The following SFSWAP variants were observed in gnomAD, a reference collection of about 807,000 sequenced individuals.
The protein encoded by SFSWAP is splicing factor, suppressor of white-apricot homolog.
Under a neutral mutation model 100.7 loss-of-function variants are expected in SFSWAP, and 17 were observed. The observed-to-expected ratio is 0.17, with a 90% CI of 0.12 to 0.25. The LOEUF (loss-of-function observed/expected upper bound fraction) is 0.25, where lower values mean the gene tolerates loss of function less well. Ranked by LOEUF, SFSWAP falls within the 10% of genes least tolerant of loss-of-function variation. SFSWAP has a pLI of 1.00. For synonymous variants in SFSWAP, 504 were observed against 510.1 expected (o/e 0.99, Z 0.16); for missense variants, 1,005 against 1,262.6 (o/e 0.80, Z 3.09).
intron 7 of SFSWAP, among the ~76,000 whole-genome samples, chr12:131,738,043 A>G (rs1445878791): frequency 6.6e-6 from 1 of 152,166 alleles, no homozygotes; most frequent in Non-Finnish European, 1.5e-5. Context: ...GCCCACTGTG[A>G]TAGCCTGTGG....
chr12:131,771,396 C>T (rs1883586779), intron 13 of SFSWAP, among the ~76,000 whole-genome samples: 1 of 152,192 alleles, frequency 6.6e-6, no homozygotes, highest in Non-Finnish European at 1.5e-5. Flanking sequence ...AATCTGTGTC[C>T]TGTGTCTTGT....
chr12:131,759,379 A>G (rs1413597029), intron 11 of SFSWAP, among the ~76,000 whole-genome samples: 1 of 152,218 alleles, frequency 6.6e-6, no homozygotes, highest in Admixed American at 6.5e-5. Flanking sequence ...GAATGCCTAC[A>G]TCATTAAAGC....
At chr12:131,788,148 T>G (rs1404673754) in intron 15 of SFSWAP, among the ~76,000 whole-genome samples, 1 of 152,226 alleles carries the variant, frequency 6.6e-6, no homozygotes, top group Non-Finnish European at 1.5e-5. Context: ...TGCTTTGCCT[T>G]CACATTAACC....
intron 7 of SFSWAP, among the ~76,000 whole-genome samples, chr12:131,748,657 A>T (rs1052954269): frequency 6.6e-6 from 1 of 152,218 alleles, no homozygotes; most frequent in Admixed American, 6.5e-5. Context: ...AGTTGAATAG[A>T]GGGCCTTGGG....
In SFSWAP at chr12:131,714,110, C is replaced by T. The variant is rs763805807; in HGVS notation, c.258C>T (p.Tyr86=). ...GRGHLHDLSE[Y]DAEYSTWNRD... The stretch of plus-strand genomic sequence containing the variant: ...GTCACCTGCATGACCTTTCTGAGTA[C>T]GATGCTGAGTATTCCACGTGGAACA... Residue 86 remains tyrosine (Y), a synonymous_variant, in exon 2 of 18, where the codon TAC becomes TAT. Transcript: ENST00000261674. The surrounding 1 kb of genome is among the most constrained non-coding windows in gnomAD (Gnocchi z 6.0). 1.1e-5 allele frequency: 17 copies of T among 1,613,618 alleles called. No homozygotes were observed. The highest frequency in any genetic ancestry group is 2.7e-5 in the African/African-American group (2 of 74,834).
chr12:131,762,099 G>C (rs568320035), intron 11 of SFSWAP, among the ~76,000 whole-genome samples: 3 of 152,304 alleles, frequency 2.0e-5, no homozygotes, highest in African/African-American at 7.2e-5. Flanking sequence ...TGGGCATGGT[G>C]GCGAGCACCT....
At chr12:131,751,352 T>A (rs1430522406) in intron 7 of SFSWAP, among the ~76,000 whole-genome samples, 1 of 152,236 alleles carries the variant, frequency 6.6e-6, no homozygotes, top group Non-Finnish European at 1.5e-5. Flanking sequence ...GTTTGGACAC[T>A]TTTTAGGGGT....
chr12:131,714,496 T>C lies in SFSWAP; in HGVS notation c.388+256T>C. 1 of 493,138 alleles carries C rather than the reference T, an allele frequency of 2.0e-6. No homozygotes were observed. Among genetic ancestry groups the C allele is most frequent in the Non-Finnish European group, 3.6e-6 (1 of 278,394 alleles). The allele number at this position is 493,138 out of a possible 1,614,324, so 30.5% of individuals were successfully genotyped here. A position where few individuals can be genotyped will look rare whatever the true frequency, so the allele number is the denominator to read the frequency against. ...AAACAAAAACCAAACTCTTTAACTG[T>C]TCTTCTTTAACAGTATCGTATAAAT... is the stretch of plus-strand genomic sequence containing the variant. On this transcript the variant is annotated intron_variant, in intron 2 of 17. Transcript: ENST00000261674. The surrounding 1 kb of genome is among the most constrained non-coding windows in gnomAD (Gnocchi z 6.0).
chr12:131,718,745 G>A (rs1046037448), intron 3 of SFSWAP, among the ~76,000 whole-genome samples: 8 of 152,150 alleles, frequency 5.3e-5, no homozygotes, highest in Non-Finnish European at 1.0e-4. Flanking sequence ...AAATCTTAGC[G>A]ATACCAATTA....
chr12:131,789,757 G>A (rs1430191044), intron 15 of SFSWAP, among the ~76,000 whole-genome samples: 5 of 151,988 alleles, frequency 3.3e-5, no homozygotes, highest in Admixed American at 2.0e-4. Flanking sequence ...GTTGGGCTTC[G>A]TCTTGCTGTG....
At chr12:131,765,554 A>G (rs1883042700) in intron 12 of SFSWAP, among the ~76,000 whole-genome samples, 1 of 152,154 alleles carries the variant, frequency 6.6e-6, no homozygotes, top group Non-Finnish European at 1.5e-5. Flanking sequence ...AGGCTGAGGC[A>G]GGAGAATCGC....
At chr12:131,717,944 T>G (rs1878083217) in intron 3 of SFSWAP, among the ~76,000 whole-genome samples, 1 of 152,156 alleles carries the variant, frequency 6.6e-6, no homozygotes. Context: ...TTGGCCAGAC[T>G]GGTCTCAAAC....
chr12:131,782,518 T>G (rs551173244), intron 14 of SFSWAP, among the ~76,000 whole-genome samples: 39 of 152,374 alleles, frequency 2.6e-4, no homozygotes, highest in African/African-American at 9.1e-4. Flanking sequence ...CACTTGGGCC[T>G]GAACAGACCT....
intron 14 of SFSWAP, among the ~76,000 whole-genome samples, chr12:131,781,230 T>TATC (rs1884472233): frequency 1.4e-4 from 9 of 66,330 alleles, no homozygotes; most frequent in Non-Finnish European, 4.0e-4. Flanking sequence ...AAATATATCT[T>TATC]ATTATTTTTT....
intron 7 of SFSWAP, among the ~76,000 whole-genome samples, chr12:131,731,978 C>T (rs1357610324): frequency 1.5e-5 from 2 of 130,826 alleles, no homozygotes; most frequent in Non-Finnish European, 3.1e-5. Flanking sequence ...GGTGCAATCT[C>T]GGCTCACTGC....
chr12:131,740,607 G>A (rs933996206), intron 7 of SFSWAP, among the ~76,000 whole-genome samples: 19 of 152,072 alleles, frequency 1.2e-4, no homozygotes, highest in Admixed American at 7.9e-4. Flanking sequence ...ACCTTTCTTC[G>A]AGCCTGTGCT....
chr12:131,755,035 T>C (rs1431886879), intron 9 of SFSWAP, among the ~76,000 whole-genome samples: 1 of 152,208 alleles, frequency 6.6e-6, no homozygotes, highest in Non-Finnish European at 1.5e-5. Flanking sequence ...ATTTTTTAAG[T>C]AGGAATTTTG....
chr12:131,776,863 G>T (rs555164624), intron 13 of SFSWAP, among the ~76,000 whole-genome samples: 1 of 152,324 alleles, frequency 6.6e-6, no homozygotes, highest in Admixed American at 6.5e-5. Context: ...GGGTAAAGAG[G>T]GGCAGGCTGC....
In SFSWAP at chr12:131,725,350, T is replaced by G; in HGVS notation, c.607-55T>G. On this transcript the variant is annotated intron_variant, in intron 4 of 17. Transcript: ENST00000261674. The surrounding 1 kb of genome is among the most constrained non-coding windows in gnomAD (Gnocchi z 4.3). ...ATTTCTATGTTTTAATGAAATCACG[T>G]GGCCGGTGGACAAGAGGACAAATGG... 1 of 1,389,634 alleles carries G rather than the reference T, an allele frequency of 7.2e-7. No homozygotes were observed. Among genetic ancestry groups the G allele is most frequent in the Non-Finnish European group, 1.0e-6 (1 of 976,194 alleles). 86.1% of individuals were successfully genotyped at this position (1,389,634 alleles called of 1,614,324 possible).
Sources: gnomAD v4.1 joint callset for allele counts (sites outside exome capture counted in the v4.1 genomes callset) on GRCh38, gnomAD v4.1.1 for gene constraint, Gnocchi (gnomAD v3.1) non-coding constraint, MANE v1.5 for transcripts, NCBI Gene and HGNC (gene_info 2026-07-23, HGNC 2026-07-21) for gene names.